Variants in GDPD1 observed in about 807,000 individuals in gnomAD.
GDPD1 encodes lysophospholipase D GDPD1.
A neutral mutation model predicts 45.1 loss-of-function variants in GDPD1; 28 were observed. That is an observed-to-expected ratio of 0.62 (90% CI 0.46 to 0.85). GDPD1 has a LOEUF of 0.85. Among genes scored for constraint, GDPD1 ranks in the 40% least tolerant of loss-of-function variants. The pLI is 0.00. For missense variants in GDPD1, 256 were observed against 364.8 expected, an observed-to-expected ratio of 0.70 and a Z score of 2.43; for synonymous variants, 139 against 131.4, an observed-to-expected ratio of 1.06 and a Z score of -0.40.
chr17:59,237,810 C>G (rs528505600), intron 2 of GDPD1, among the ~76,000 whole-genome samples: 2 of 152,146 alleles, frequency 1.3e-5, no homozygotes, highest in African/African-American at 4.8e-5. Flanking sequence ...TGGCTCACAC[C>G]TGTAATCCCA....
chr17:59,256,324 C>G (rs1401230361), intron 4 of GDPD1, among the ~76,000 whole-genome samples: 1 of 151,696 alleles, frequency 6.6e-6, no homozygotes, highest in South Asian at 2.1e-4. Context: ...CTCAAACAAA[C>G]AAACAAACAA....
At chr17:59,247,313 T>G (rs1446915225) in intron 3 of GDPD1, among the ~76,000 whole-genome samples, 1 of 152,192 alleles carries the variant, frequency 6.6e-6, no homozygotes, top group African/African-American at 2.4e-5. Context: ...TATAATGACA[T>G]GTATCCACAA....
chr17:59,225,941 A>G (rs2047044308), intron 1 of GDPD1, among the ~76,000 whole-genome samples: 1 of 151,370 alleles, frequency 6.6e-6, no homozygotes, highest in East Asian at 2.0e-4. Flanking sequence ...GGCTGGTCTC[A>G]AACTCCTGAC....
Position 59,232,466 on chromosome 17 carries a change from T to A in GDPD1, c.143-2026T>A, listed in dbSNP as rs1231948448. The stretch of plus-strand genomic sequence containing the variant: ...CTCCGTCTCAAAAAAAAAAAAAAAA[T>A]TTGTCAGTACACTGAAAGAAATGGA... On this transcript the variant is annotated intron_variant, in intron 1 of 9. Coordinates refer to ENST00000284116, the MANE Select transcript of GDPD1 (RefSeq NM_182569.4). Among the ~76,000 whole-genome samples the A allele has an allele frequency of 6.6e-5, 10 of 151,134 alleles. No individual in the cohort carries two copies. In the East Asian group the frequency reaches 1.6e-3, roughly 23 times the overall value.
intron 6 of GDPD1, among the ~76,000 whole-genome samples, chr17:59,265,876 C>T (rs2047394814): frequency 6.8e-6 from 1 of 146,646 alleles, no homozygotes; most frequent in African/African-American, 2.5e-5. Flanking sequence ...TGCACTCCAG[C>T]CTGGGTGACA....
chr17:59,258,813 TG>T (rs111237369), intron 6 of GDPD1, among the ~76,000 whole-genome samples: 3,923 of 152,180 alleles, frequency 0.026, 192 homozygotes, highest in African/African-American at 0.088. Flanking sequence ...TTAAATTTTT[TG>T]TGTGTAATTT....
At chr17:59,222,208 T>TTTTG (rs956230720) in intron 1 of GDPD1, among the ~76,000 whole-genome samples, 3 of 152,032 alleles carry the variant, frequency 2.0e-5, no homozygotes, top group Non-Finnish European at 2.9e-5. Flanking sequence ...TTGTTTGTTT[T>TTTTG]TTTGTTTGTT....
intron 6 of GDPD1, 53 bp downstream of exon 6, chr17:59,257,893 T>C: frequency 8.5e-7 from 1 of 1,176,804 alleles, no homozygotes. Context: ...GTTTTGTATC[T>C]ACAAATGATA....
intron 1 of GDPD1, among the ~76,000 whole-genome samples, chr17:59,226,738 C>T (rs7211388): frequency 4.0e-5 from 6 of 151,760 alleles, no homozygotes; most frequent in African/African-American, 1.2e-4. Context: ...TGCAGTGGCG[C>T]GATCTCAGCT....
intron 6 of GDPD1, among the ~76,000 whole-genome samples, chr17:59,263,749 G>A (rs1251533841): frequency 6.6e-6 from 1 of 151,588 alleles, no homozygotes; most frequent in Non-Finnish European, 1.5e-5. Context: ...CAAAGTGCTG[G>A]GATTACAGGT....
Position 59,273,098 on chromosome 17 carries a change from A to T in GDPD1, c.822+262A>T, listed in dbSNP as rs373611389. 1.7e-4 allele frequency: 51 copies of T among 291,864 alleles called. No homozygotes were observed. In the East Asian group the frequency reaches 3.2e-3, roughly 18 times the overall value. 18.1% of individuals were successfully genotyped at this position (291,864 alleles called of 1,614,324 possible). ...GTTTGTGTGTGTGTATATATATATA[A>T]ATATATGTATGTATATTTCTTTTTT... On this transcript the variant is annotated intron_variant, in intron 9 of 9. Transcript: ENST00000284116.
At chr17:59,254,348 G>A (rs143621734) in intron 4 of GDPD1, among the ~76,000 whole-genome samples, 5 of 144,426 alleles carry the variant, frequency 3.5e-5, no homozygotes, top group African/African-American at 1.3e-4. Flanking sequence ...GTGACAGAGT[G>A]AGACTCCGTC....
intron 7 of GDPD1, among the ~76,000 whole-genome samples, chr17:59,268,244 G>A (rs1311853523): frequency 2.0e-5 from 3 of 152,094 alleles, no homozygotes; most frequent in East Asian, 1.9e-4. Context: ...ATTTGGAATC[G>A]TTGGGGAGAT....
chr17:59,228,970 T>TA (rs948350556), intron 1 of GDPD1, among the ~76,000 whole-genome samples: 1 of 150,346 alleles, frequency 6.7e-6, no homozygotes, highest in Non-Finnish European at 1.5e-5. Context: ...CTGTTGCAGC[T>TA]AAAAAAAAAT....
chr17:59,251,445 G>A (rs2047252907), intron 4 of GDPD1, among the ~76,000 whole-genome samples: 1 of 151,886 alleles, frequency 6.6e-6, no homozygotes, highest in African/African-American at 2.4e-5. Context: ...CTTCAACCTG[G>A]GAGGCAGAGG....
chr17:59,223,673 T>A (rs1284169947), intron 1 of GDPD1, among the ~76,000 whole-genome samples: 2 of 152,230 alleles, frequency 1.3e-5, no homozygotes, highest in African/African-American at 2.4e-5. Flanking sequence ...ATGTGACCAT[T>A]GAAACATTAA....
chr17:59,263,495 T>TTTTTTTTTC (rs57916337), intron 6 of GDPD1, among the ~76,000 whole-genome samples: 34 of 145,940 alleles, frequency 2.3e-4, no homozygotes, highest in Non-Finnish European at 4.4e-4. Flanking sequence ...TTTTTTTTTT[T>TTTTTTTTTC]GAGACGGAGT....
intron 6 of GDPD1, among the ~76,000 whole-genome samples, chr17:59,260,060 CAAAAAAAAAAAAAAAAAAA>C (rs56936442): frequency 3.6e-3 from 92 of 25,840 alleles, no homozygotes; most frequent in East Asian, 0.018. Context: ...GACCCTGTCT[CAAAAAAAAAAAAAAAAAAA>C]AAAAAAAAAA....
intron 1 of GDPD1, among the ~76,000 whole-genome samples, chr17:59,234,208 G>C (rs1229754501): frequency 6.6e-6 from 1 of 151,880 alleles, no homozygotes; most frequent in Non-Finnish European, 1.5e-5. Context: ...AAAATTAGCC[G>C]GGCGTGGAGG....
Sources: gnomAD v4.1 joint callset for allele counts (sites outside exome capture counted in the v4.1 genomes callset) on GRCh38, gnomAD v4.1.1 for gene constraint, MANE v1.5 for transcripts, NCBI Gene and HGNC (gene_info 2026-07-23, HGNC 2026-07-21) for gene names.